The following UBXN6 variants were observed in gnomAD, a reference collection of about 807,000 sequenced individuals.
UBXN6 encodes the protein UBX domain protein 6.
A neutral mutation model predicts 51.4 loss-of-function variants in UBXN6; 44 were observed. That is an observed-to-expected ratio of 0.86 (90% CI 0.67 to 1.10). The LOEUF (loss-of-function observed/expected upper bound fraction) is 1.10, where lower values mean the gene tolerates loss of function less well. UBXN6 is among the 50% of genes least tolerant of loss of function. The probability of loss-of-function intolerance (pLI) is 0.00; values close to 1 mark genes in which losing one functional copy is unlikely to be tolerated. For synonymous variants in UBXN6, 316 were observed against 263.2 expected, an observed-to-expected ratio of 1.20 and a Z score of -1.94; for missense variants, 672 against 596.1, an observed-to-expected ratio of 1.13 and a Z score of -1.32.
chr19:4,451,061 GTTTTT>G (rs952616501), intron 4 of UBXN6, among the ~76,000 whole-genome samples: 1 of 152,026 alleles, frequency 6.6e-6, no homozygotes, highest in African/African-American at 2.4e-5. Context: ...GTTTTGTTTT[GTTTTT>G]AAGATGAAGT....
chr19:4,446,486 G>A lies in UBXN6; in HGVS notation c.920+14C>T. On this transcript the variant is annotated intron_variant, in intron 8 of 10. Transcript: ENST00000301281. ...CCGCCCCGCCCCACTCTGCTCCGCG[G>A]ACGTCAGGCCCACCTGAGCCTCTGC... is the stretch of plus-strand genomic sequence containing the variant. The A allele has an allele frequency of 6.2e-7, 1 of 1,601,588 alleles. No individual in the cohort carries two copies. The highest frequency in any genetic ancestry group is 8.5e-7 in the Non-Finnish European group (1 of 1,176,250).
chr19:4,445,372 C>T lies in UBXN6; in HGVS notation c.*126G>A, dbSNP rs888848410. Reference sequence around the variant, plus strand: ...ATTCCACAGCTCCACGGCTGGCGCCCCTCCCGTGCCCATGGGGCAGAGCCA... The same window carrying T: ...ATTCCACAGCTCCACGGCTGGCGCCTCTCCCGTGCCCATGGGGCAGAGCCA... On this transcript the variant is annotated 3_prime_UTR_variant, in exon 11 of 11. Coordinates refer to ENST00000301281, the MANE Select transcript of UBXN6 (RefSeq NM_025241.3). 2.7e-6 allele frequency: 4 copies of T among 1,480,906 alleles called. No homozygotes were observed. In the Admixed American group the frequency reaches 7.9e-5, roughly 29 times the overall value. 91.7% of individuals were successfully genotyped at this position (1,480,906 alleles called of 1,614,324 possible). A position where few individuals can be genotyped will look rare whatever the true frequency, so the allele number is the denominator to read the frequency against.
intron 5 of UBXN6, 195 bp downstream of exon 5, chr19:4,448,123 C>T (rs1974576638): frequency 9.9e-6 from 6 of 605,194 alleles, no homozygotes; most frequent in East Asian, 2.8e-5. Flanking sequence ...ATTTTGCACA[C>T]GGGTAAACTG....
At chr19:4,457,802 A>ATC, upstream of UBXN6, 1 of 463,574 alleles carries the variant, frequency 2.2e-6, no homozygotes, top group Non-Finnish European at 3.2e-6. Flanking sequence ...AATTAAAAAA[A>ATC]AAAAAAAAAA....
Position 4,445,318 on chromosome 19 carries a change from A to C in UBXN6, c.*180T>G. 1 of 1,063,630 alleles carries C rather than the reference A, an allele frequency of 9.4e-7. No individual in the cohort carries two copies. The highest frequency in any genetic ancestry group is 2.5e-5 in the East Asian group (1 of 40,490). 65.9% of individuals were successfully genotyped at this position (1,063,630 alleles called of 1,614,324 possible). ...GCTTGGGCGCATCCCCACAGCCCCC[A>C]AGGGATGGGGGCTCTGCCACGGGGC... On this transcript the variant is annotated 3_prime_UTR_variant, in exon 11 of 11. Coordinates refer to ENST00000301281, the MANE Select transcript of UBXN6 (RefSeq NM_025241.3).
chr19:4,448,492 G>A (rs2145176233), intron 4 of UBXN6, 77 bp from the exon 5 acceptor site: 3 of 1,221,528 alleles, frequency 2.5e-6, no homozygotes, highest in Non-Finnish European at 3.5e-6. Flanking sequence ...GGTAACAGGG[G>A]CAGGAAAAGG....
chr19:4,453,862 AGGG>A, intron 2 of UBXN6, 65 bp downstream of exon 2: 1 of 771,002 alleles, frequency 1.3e-6, no homozygotes, highest in Non-Finnish European at 1.6e-6. Context: ...TTCTGCATCC[AGGG>A]CCAGGCACCA....
intron 2 of UBXN6, 71 bp downstream of exon 2, chr19:4,453,859 T>TCCAGGGCCAGGCA (rs144275315): frequency 6.4e-7 from 1 of 1,564,650 alleles, no homozygotes; most frequent in South Asian, 1.2e-5. Flanking sequence ...GACTTCTGCA[T>TCCAGGGCCAGGCA]CCAGGGCCAG....
intron 4 of UBXN6, among the ~76,000 whole-genome samples, chr19:4,451,324 C>T (rs188332691): frequency 1.1e-3 from 160 of 152,274 alleles, no homozygotes; most frequent in African/African-American, 3.7e-3. Flanking sequence ...TCCCAAAGCA[C>T]TGGAATTACA....
intron 4 of UBXN6, chr19:4,450,480 C>A (rs533512298): frequency 6.6e-6 from 1 of 151,884 alleles, no homozygotes; most frequent in African/African-American, 2.4e-5. Flanking sequence ...AGAGTGCTGC[C>A]GGGCACGGTG....
At chr19:4,447,823 G>T in intron 5 of UBXN6, 198 bp from the exon 6 acceptor site, 1 of 598,372 alleles carries the variant, frequency 1.7e-6, no homozygotes, top group Non-Finnish European at 3.0e-6. Flanking sequence ...CCCACCCCTG[G>T]TGCCAGCAGG....
intron 1 of UBXN6, among the ~76,000 whole-genome samples, 195 bp downstream of exon 1, chr19:4,457,420 C>T (rs1427576435): frequency 2.5e-5 from 3 of 121,886 alleles, no homozygotes; most frequent in African/African-American, 9.5e-5. Flanking sequence ...GCCCCCAGAT[C>T]TCTCTCCCCT....
intron 5 of UBXN6, chr19:4,448,027 C>T: frequency 1.9e-6 from 1 of 533,110 alleles, no homozygotes; most frequent in Non-Finnish European, 3.4e-6. Flanking sequence ...GATCCTGAGA[C>T]CCGGGGAGTG....
Position 4,457,779 on chromosome 19 carries a change from G to A in UBXN6, c.-82C>T. 1 of 307,434 alleles carries A rather than the reference G, an allele frequency of 3.3e-6. No homozygotes were observed. Among genetic ancestry groups the A allele is most frequent in the Non-Finnish European group, 5.0e-6 (1 of 198,528 alleles). The allele number at this position is 307,434 out of a possible 1,614,324, so 19.0% of individuals were successfully genotyped here. On this transcript the variant is annotated 5_prime_UTR_variant, in exon 1 of 11. Transcript: ENST00000301281. The stretch of plus-strand genomic sequence containing the variant: ...TCGGGGACGGGGCCGCCGGAGACCA[G>A]CCACCGGAAGAAAATTAAAAAAAAA...
chr19:4,446,712 G>A lies in UBXN6; in HGVS notation c.708C>T (p.Pro236=), dbSNP rs761580414. 66 of 1,608,768 alleles carry A rather than the reference G, an allele frequency of 4.1e-5. No individual in the cohort carries two copies. Among genetic ancestry groups the A allele is most frequent in the Admixed American group, 1.8e-4 (11 of 59,822 alleles). The change falls in exon 8 of 11, where the codon CCC becomes CCT. Residue 236 remains proline, a synonymous_variant. Coordinates refer to ENST00000301281, the MANE Select transcript of UBXN6 (RefSeq NM_025241.3). The part of the protein sequence containing the change: ...VLLPAQDQED[P]EEFYVLSETT... ...TCTCGCTCAGCACGTAGAACTCCTC[G>A]GGGTCCTCTACAGCGTGGCAGGACA...
chr19:4,457,483 C>A (rs531175438), intron 1 of UBXN6, 132 bp downstream of exon 1: 10 of 689,984 alleles, frequency 1.4e-5, no homozygotes, highest in African/African-American at 6.2e-5. Context: ...CGCCTCTCCC[C>A]CTCCCCTGAC....
At position 4,454,053 on chromosome 19, in the gene UBXN6, TG is replaced by T; in HGVS notation, c.123del (p.Arg42GlyfsTer19). ...AHKEKPNQPA[P>X]RPPRQGPTNE... Reference sequence around the variant, plus strand: ...TTGGTGGGTCCCTGGCGGGGCGGCCTGGGGGCTGGCTGGTTGGGCTTCTCTT... The same window carrying T: ...TTGGTGGGTCCCTGGCGGGGCGGCCTGGGGCTGGCTGGTTGGGCTTCTCTT... On this transcript the variant is annotated frameshift_variant, in exon 2 of 11. Coordinates refer to ENST00000301281, the MANE Select transcript of UBXN6 (RefSeq NM_025241.3). LOFTEE classifies it high-confidence loss of function. 1 of 1,583,318 alleles carries T rather than the reference TG, an allele frequency of 6.3e-7. No homozygotes were observed. Among genetic ancestry groups the T allele is most frequent in the Admixed American group, 1.8e-5 (1 of 54,498 alleles).
chr19:4,453,200 C>T (rs967432202), intron 3 of UBXN6, among the ~76,000 whole-genome samples: 2 of 152,170 alleles, frequency 1.3e-5, no homozygotes, highest in African/African-American at 2.4e-5. Context: ...TGCATCTGCC[C>T]TTAAGGGGTT....
At chr19:4,453,670 T>C in intron 2 of UBXN6, 148 bp from the exon 3 acceptor site, 1 of 1,091,084 alleles carries the variant, frequency 9.2e-7, no homozygotes, top group Non-Finnish European at 1.3e-6. Context: ...GGAGGTCCCC[T>C]GCAGGACTTG....
Sources: allele counts gnomAD v4.1 joint callset (sites outside exome capture counted in the v4.1 genomes callset), GRCh38; gene constraint gnomAD v4.1.1; transcripts MANE v1.5; gene names NCBI Gene and HGNC (gene_info 2026-07-23, HGNC 2026-07-21).